Variants in PALM2AKAP2 observed in about 807,000 individuals in gnomAD.
The protein encoded by PALM2AKAP2 is PALM2 and AKAP2 fusion.
Under a neutral mutation model 71.5 loss-of-function variants are expected in PALM2AKAP2, and 37 were observed. The observed-to-expected ratio is 0.52, with a 90% CI of 0.40 to 0.68. The LOEUF (loss-of-function observed/expected upper bound fraction) is 0.68, where lower values mean the gene tolerates loss of function less well. Among genes scored for constraint, PALM2AKAP2 ranks in the 30% least tolerant of loss-of-function variants. The pLI, the probability that PALM2AKAP2 is intolerant of heterozygous loss-of-function variation, is 0.00. For synonymous variants in PALM2AKAP2, 468 were observed against 478.8 expected (o/e 0.98, Z 0.29); for missense variants, 1,224 against 1,191.8 (o/e 1.03, Z -0.40).
At chr9:110,043,716 GTTTT>G (rs61128628), upstream of PALM2AKAP2, among the ~76,000 whole-genome samples, 156 of 91,570 alleles carry the variant, frequency 1.7e-3, no homozygotes, top group African/African-American at 5.8e-3. Flanking sequence ...TTTTTTTGGT[GTTTT>G]TTTTTTTTTT....
At chr9:109,850,907 G>A (rs1301969706) in intron 1 of PALM2AKAP2, among the ~76,000 whole-genome samples, 1 of 152,106 alleles carries the variant, frequency 6.6e-6, no homozygotes, top group African/African-American at 2.4e-5. Flanking sequence ...GCCGGGCGTG[G>A]TGGCTCACAC....
chr9:110,028,443 T>G (rs1833219637), intron 7 of PALM2AKAP2, among the ~76,000 whole-genome samples: 1 of 152,244 alleles, frequency 6.6e-6, no homozygotes, highest in African/African-American at 2.4e-5. Flanking sequence ...AGCTGAGTAC[T>G]GTGCTACACA....
intron 1 of PALM2AKAP2, among the ~76,000 whole-genome samples, chr9:109,837,313 C>T (rs1828508913): frequency 6.6e-6 from 1 of 152,140 alleles, no homozygotes; most frequent in Non-Finnish European, 1.5e-5. Flanking sequence ...AAATCCTTTA[C>T]AGAGAAGCAA....
intron 1 of PALM2AKAP2, among the ~76,000 whole-genome samples, chr9:109,780,802 C>T (rs1278393463): frequency 6.6e-6 from 1 of 152,156 alleles, no homozygotes; most frequent in East Asian, 1.9e-4. Context: ...AAGGACTAAA[C>T]AGAGGCTTGG....
At chr9:109,754,716 C>G (rs1345297321) in intron 1 of PALM2AKAP2, among the ~76,000 whole-genome samples, 1 of 152,106 alleles carries the variant, frequency 6.6e-6, no homozygotes, top group Non-Finnish European at 1.5e-5. Context: ...TGCATTCTCA[C>G]ATAACTGAGA....
intron 1 of PALM2AKAP2, among the ~76,000 whole-genome samples, chr9:109,803,140 A>T (rs981353096): frequency 1.3e-5 from 2 of 152,236 alleles, no homozygotes; most frequent in African/African-American, 4.8e-5. Context: ...AAATGTACAC[A>T]TTAACTGTAA....
chr9:109,710,607 A>G (rs1828218703), intron 1 of PALM2AKAP2, among the ~76,000 whole-genome samples: 1 of 152,196 alleles, frequency 6.6e-6, no homozygotes, highest in Admixed American at 6.5e-5. Flanking sequence ...TTTGGGAATG[A>G]TGATTCCCTT....
chr9:109,657,452 T>TTGTGTGTGTGTGTGTGTGTGTGTGTG (rs3062680), intron 1 of PALM2AKAP2, among the ~76,000 whole-genome samples: 149 of 147,212 alleles, frequency 1.0e-3, no homozygotes, highest in African/African-American at 3.6e-3. Flanking sequence ...AATATGGTAT[T>TTGTGTGTGTGTGTGTGTGTGTGTGTG]TGTGTGTGTG....
intron 2 of PALM2AKAP2, among the ~76,000 whole-genome samples, chr9:110,151,879 C>G (rs905030312): frequency 6.6e-6 from 1 of 152,190 alleles, no homozygotes; most frequent in Non-Finnish European, 1.5e-5. Context: ...CGGACCTGCC[C>G]TGAGGTCTAC....
intron 1 of PALM2AKAP2, among the ~76,000 whole-genome samples, chr9:109,709,342 T>C (rs79508796): frequency 0.042 from 6,451 of 152,312 alleles, 186 homozygotes; most frequent in Non-Finnish European, 0.053. Context: ...TCTTCCTGCC[T>C]CCCATGTGAC....
intron 1 of PALM2AKAP2, among the ~76,000 whole-genome samples, chr9:109,824,998 G>A (rs1828107357): frequency 6.6e-6 from 1 of 152,184 alleles, no homozygotes; most frequent in Non-Finnish European, 1.5e-5. Context: ...ATGTAAAAGT[G>A]TTTACCTTCT....
upstream of PALM2AKAP2, chr9:109,780,251 T>G: frequency 8.8e-7 from 1 of 1,138,046 alleles, no homozygotes. Context: ...GGAGATGCAG[T>G]GAGCGGCGGC....
At chr9:110,089,171 G>T (rs1233276055) in intron 1 of PALM2AKAP2, among the ~76,000 whole-genome samples, 1 of 152,224 alleles carries the variant, frequency 6.6e-6, no homozygotes, top group Non-Finnish European at 1.5e-5. Flanking sequence ...TGGGGAGGCG[G>T]ATGGGAGAAG....
intron 2 of PALM2AKAP2, among the ~76,000 whole-genome samples, chr9:110,153,791 G>A (rs1836380491): frequency 6.6e-6 from 1 of 152,238 alleles, no homozygotes. Flanking sequence ...TGACATTATA[G>A]CTTAATTGAG....
chr9:109,736,125 G>A (rs1828630957), intron 1 of PALM2AKAP2, among the ~76,000 whole-genome samples: 1 of 152,112 alleles, frequency 6.6e-6, no homozygotes, highest in African/African-American at 2.4e-5. Flanking sequence ...CTTCTTCACA[G>A]GCACAACGAC....
At chr9:110,148,867 T>A (rs950552780) in intron 2 of PALM2AKAP2, among the ~76,000 whole-genome samples, 1 of 152,198 alleles carries the variant, frequency 6.6e-6, no homozygotes, top group Admixed American at 6.5e-5. Flanking sequence ...TGACCAAAAT[T>A]TTCAGGACTT....
chr9:109,982,835 G>C (rs915834943), intron 6 of PALM2AKAP2, among the ~76,000 whole-genome samples: 2 of 152,130 alleles, frequency 1.3e-5, no homozygotes, highest in African/African-American at 4.8e-5. Flanking sequence ...GGTTGCGTAG[G>C]TTGGTCTTGA....
chr9:110,138,179 G>A (rs1219605210), exon 2 of PALM2AKAP2: 3 of 1,614,112 alleles, frequency 1.9e-6, no homozygotes, highest in Non-Finnish European at 8.5e-7. Flanking sequence ...GCCTGCTGAA[G>A]ACAGGGCGCT....
chr9:110,002,314 G>A (rs1485274271), intron 6 of PALM2AKAP2, among the ~76,000 whole-genome samples: 1 of 152,182 alleles, frequency 6.6e-6, no homozygotes, highest in East Asian at 1.9e-4. Context: ...GCTGGATTAT[G>A]TTTATTGACT....
Sources: gnomAD v4.1 joint callset for allele counts (sites outside exome capture counted in the v4.1 genomes callset) on GRCh38, gnomAD v4.1.1 for gene constraint, MANE v1.5 for transcripts, NCBI Gene and HGNC (gene_info 2026-07-23, HGNC 2026-07-21) for gene names.